DNAH5: variants seen among roughly 807,000 people sequenced by gnomAD.
The protein encoded by DNAH5 is dynein axonemal heavy chain 5, also known as axonemal beta dynein heavy chain 5.
Under a neutral mutation model 518.2 loss-of-function variants are expected in DNAH5, and 372 were observed. The ratio of observed to expected loss-of-function variants is 0.72; its 90% CI spans 0.66 to 0.78. The LOEUF (loss-of-function observed/expected upper bound fraction) is 0.78. Ranked by LOEUF, DNAH5 falls within the 30% of genes least tolerant of loss-of-function variation. DNAH5 has a pLI of 0.00. For synonymous variants in DNAH5, 2,039 were observed against 2,025.9 expected, an observed-to-expected ratio of 1.01 and a Z score of -0.17; for missense variants, 5,523 against 5,687.0, an observed-to-expected ratio of 0.97 and a Z score of 0.93.
At chr5:13,760,817 G>A (rs937766004) in intron 60 of DNAH5, among the ~76,000 whole-genome samples, 2 of 152,210 alleles carry the variant, frequency 1.3e-5, no homozygotes, top group African/African-American at 2.4e-5. Context: ...CCTCCAGGAA[G>A]AAGGGAAGTT....
At position 13,750,989 on chromosome 5, in the gene DNAH5, G is replaced by A. The variant is rs189010615; in HGVS notation, c.11211+89C>T. 2.8e-4 allele frequency: 384 copies of A among 1,384,388 alleles called. 7 individuals are homozygous for A. In the East Asian group the frequency reaches 5.0e-3, roughly 18 times the overall value. 85.8% of individuals were successfully genotyped at this position (1,384,388 alleles called of 1,614,324 possible). On this transcript the variant is annotated intron_variant, in intron 65 of 78. Transcript: ENST00000265104. The stretch of plus-strand genomic sequence containing the variant: ...CAGGGAATAAAAGGAGAGAAACTCA[G>A]TCCTATTACAACTGTTATTATCTTA...
At position 13,952,330 on chromosome 5, in the gene DNAH5, T is replaced by C. The variant is rs528820972; in HGVS notation, c.13-21086A>G. ...CAAGAATGTGATCAGAGAGAGCAAA[T>C]CCATTTTTTTAAAGCACGCAGCAAT... On this transcript the variant is annotated intron_variant, in intron 1 of 78. Coordinates refer to the DNAH5 transcript ENST00000681290. Among the ~76,000 whole-genome samples, 3 of 152,272 alleles carry C rather than the reference T, an allele frequency of 2.0e-5. No individual in the cohort carries two copies. The South Asian group carries it at 6.2e-4, about 32-fold the overall frequency.
At chr5:13,746,135 A>C (rs887790289) in intron 65 of DNAH5, among the ~76,000 whole-genome samples, 1 of 152,134 alleles carries the variant, frequency 6.6e-6, no homozygotes, top group South Asian at 2.1e-4. Flanking sequence ...ACTTTTACTA[A>C]GGAAATGAGT....
intron 46 of DNAH5, among the ~76,000 whole-genome samples, chr5:13,808,479 G>A (rs1561313759): frequency 6.6e-6 from 1 of 152,114 alleles, no homozygotes; most frequent in Non-Finnish European, 1.5e-5. Context: ...AAAGCAGAAG[G>A]AATCCTTTGG....
chr5:13,946,802 C>A (rs1779961112), upstream of DNAH5, among the ~76,000 whole-genome samples: 1 of 152,234 alleles, frequency 6.6e-6, no homozygotes, highest in Admixed American at 6.5e-5. Flanking sequence ...CAAGTACCTG[C>A]AGGCAAAGTT....
At chr5:13,835,986 T>C (rs1322488384) in intron 35 of DNAH5, among the ~76,000 whole-genome samples, 4 of 152,144 alleles carry the variant, frequency 2.6e-5, no homozygotes, top group African/African-American at 9.7e-5. Flanking sequence ...GAAGGTAGAT[T>C]ATTGGAAAAT....
intron 43 of DNAH5, among the ~76,000 whole-genome samples, chr5:13,814,353 A>C (rs947866200): frequency 6.6e-6 from 1 of 152,188 alleles, no homozygotes; most frequent in African/African-American, 2.4e-5. Context: ...CTGTTGGTTC[A>C]TACAGGCCTG....
chr5:13,759,209 T>C (rs1751447799), intron 60 of DNAH5, among the ~76,000 whole-genome samples: 1 of 152,208 alleles, frequency 6.6e-6, no homozygotes, highest in African/African-American at 2.4e-5. Flanking sequence ...TCAGCAAATA[T>C]TTTCTTTAAA....
Position 13,901,244 on chromosome 5 carries a change from G to C in DNAH5, c.2052+8C>G. 6.2e-7 allele frequency: 1 copy of C among 1,612,442 alleles called. No homozygotes were observed. Among genetic ancestry groups the C allele is most frequent in the Non-Finnish European group, 8.5e-7 (1 of 1,179,862 alleles). ...AACAATGGGAAGAGTATAAATTTAGGGACTCACTTGCCGAAGCCACGCCCT... is the reference window on the plus strand; with the variant it reads ...AACAATGGGAAGAGTATAAATTTAGCGACTCACTTGCCGAAGCCACGCCCT... On this transcript the variant is annotated splice_region_variant and intron_variant, in intron 14 of 78. Coordinates refer to ENST00000265104, the MANE Select transcript of DNAH5 (RefSeq NM_001369.3).
intron 32 of DNAH5, 52 bp from the exon 33 acceptor site, chr5:13,841,956 G>T (rs1321683146): frequency 1.5e-4 from 166 of 1,094,766 alleles, no homozygotes; most frequent in East Asian, 4.7e-4. Context: ...CATATAAAAA[G>T]TAAAAACTAA....
intron 14 of DNAH5, chr5:13,900,742 T>C (rs1024130245): frequency 5.6e-6 from 2 of 356,290 alleles, no homozygotes; most frequent in South Asian, 6.3e-5. Flanking sequence ...TTCTTCCTAA[T>C]AAAAGTTTCG....
intron 72 of DNAH5, 77 bp from the exon 73 acceptor site, chr5:13,717,597 T>C: frequency 8.6e-7 from 1 of 1,162,228 alleles, no homozygotes. Flanking sequence ...AAGTAATCAT[T>C]TTTGTAAATC....
At chr5:13,972,239 A>G (rs974269582) in intron 1 of DNAH5, among the ~76,000 whole-genome samples, 1 of 152,124 alleles carries the variant, frequency 6.6e-6, no homozygotes, top group African/African-American at 2.4e-5. Flanking sequence ...CTCAGGCTAC[A>G]AGCCTCCCTG....
chr5:13,705,788 T>C (rs1742704537), intron 76 of DNAH5, among the ~76,000 whole-genome samples: 1 of 151,908 alleles, frequency 6.6e-6, no homozygotes, highest in African/African-American at 2.4e-5. Context: ...CAGATGTGCA[T>C]AGAGGGAAGA....
chr5:13,911,693 T>A (rs1220844556), intron 11 of DNAH5, among the ~76,000 whole-genome samples, 200 bp from the exon 12 acceptor site: 4 of 152,126 alleles, frequency 2.6e-5, no homozygotes, highest in Admixed American at 2.6e-4. Flanking sequence ...TTCAAAGAAA[T>A]CACTTGGAAA....
chr5:13,986,786 T>C (rs1268545356), intron 1 of DNAH5, among the ~76,000 whole-genome samples: 2 of 152,142 alleles, frequency 1.3e-5, no homozygotes, highest in Non-Finnish European at 1.5e-5. Context: ...ATATCACTAT[T>C]GTAAGGGTGG....
At chr5:13,767,689 T>C (rs959072784) in intron 58 of DNAH5, among the ~76,000 whole-genome samples, 1 of 152,218 alleles carries the variant, frequency 6.6e-6, no homozygotes, top group African/African-American at 2.4e-5. Flanking sequence ...CTGTGTTAGA[T>C]GCCCAGGTAA....
At chr5:13,872,504 A>G (rs564477954) in intron 22 of DNAH5, among the ~76,000 whole-genome samples, 1 of 152,226 alleles carries the variant, frequency 6.6e-6, no homozygotes, top group East Asian at 1.9e-4. Context: ...GTTTCTAGGT[A>G]TTTTTCAATG....
At chr5:13,938,132 C>T (rs1056190987) in intron 1 of DNAH5, among the ~76,000 whole-genome samples, 1 of 152,148 alleles carries the variant, frequency 6.6e-6, no homozygotes, top group African/African-American at 2.4e-5. Flanking sequence ...ATCCCCTCAT[C>T]CAGCATCTCC....
Sources: gnomAD v4.1 joint callset for allele counts (sites outside exome capture counted in the v4.1 genomes callset) on GRCh38, gnomAD v4.1.1 for gene constraint, MANE v1.5 for transcripts, NCBI Gene and HGNC (gene_info 2026-07-23, HGNC 2026-07-21) for gene names.